AK7: variants seen among roughly 807,000 people sequenced by gnomAD.
The protein encoded by AK7 is adenylate kinase 7, also known as ATP-AMP transphosphorylase 7.
Under a neutral mutation model 96.6 loss-of-function variants are expected in AK7, and 78 were observed. The ratio of observed to expected loss-of-function variants is 0.81; its 90% CI spans 0.67 to 0.97. AK7 has a LOEUF of 0.97. AK7 is among the 50% of genes least tolerant of loss of function. The pLI is 0.00. For missense variants in AK7, 855 were observed against 887.9 expected (o/e 0.96, Z 0.47); for synonymous variants, 302 against 317.2 (o/e 0.95, Z 0.51).
intron 5 of AK7, among the ~76,000 whole-genome samples, chr14:96,426,967 C>T (rs1354100718): frequency 1.3e-5 from 2 of 152,054 alleles, no homozygotes; most frequent in Non-Finnish European, 2.9e-5. Flanking sequence ...AGGTTTAGGC[C>T]GGGTGTGGTG....
At chr14:96,446,405 T>C (rs1400845684) in intron 7 of AK7, 112 bp from the exon 8 acceptor site, 1 of 821,286 alleles carries the variant, frequency 1.2e-6, no homozygotes, top group Non-Finnish European at 2.1e-6. Flanking sequence ...AGATAACTTA[T>C]CAAAGCACCA....
At chr14:96,446,478 T>G in intron 7 of AK7, 39 bp from the exon 8 acceptor site, 1 of 1,578,960 alleles carries the variant, frequency 6.3e-7, no homozygotes. Context: ...TCTCTTTCGC[T>G]TTTTCCCTTT....
At chr14:96,470,283 G>T (rs1056221352) in intron 12 of AK7, among the ~76,000 whole-genome samples, 2 of 151,808 alleles carry the variant, frequency 1.3e-5, no homozygotes, top group African/African-American at 2.4e-5. Flanking sequence ...GGAGGAGGGG[G>T]AGTCACTGAT....
chr14:96,412,052 A>G (rs1566765879), intron 4 of AK7, among the ~76,000 whole-genome samples: 1 of 152,138 alleles, frequency 6.6e-6, no homozygotes, highest in Non-Finnish European at 1.5e-5. Context: ...GACGAAGTCT[A>G]TAAAACAGAG....
At position 96,446,530 on chromosome 14, in the gene AK7, G is replaced by A. The variant is rs114724524; in HGVS notation, c.793G>A (p.Val265Ile). The stretch of plus-strand genomic sequence containing the variant: ...GTGGGTCTGCAGAGTGATACAAAAC[G>A]TCATAGATCACGTGCCAAAGCCTCA... ...VLDLAGVIQN[V>I]IDHVPKPHYL... The change falls in exon 8 of 18, where the codon GTC becomes ATC. Residue 265 changes from valine (V) to isoleucine (I), a missense_variant. Physicochemically the swap from Val to Ile is conservative, Grantham distance 29. Transcript: ENST00000267584. 58 of 1,614,044 alleles carry A rather than the reference G, an allele frequency of 3.6e-5. No individual in the cohort carries two copies. Among genetic ancestry groups the A allele is most frequent in the South Asian group, 3.0e-4 (27 of 91,080 alleles).
chr14:96,468,444 T>G (rs1444048228), intron 12 of AK7, among the ~76,000 whole-genome samples: 5 of 151,876 alleles, frequency 3.3e-5, no homozygotes, highest in African/African-American at 1.2e-4. Context: ...TACAGGCACA[T>G]GCCACCACGC....
At chr14:96,463,409 TA>T (rs148256481) in intron 12 of AK7, among the ~76,000 whole-genome samples, 5 of 151,106 alleles carry the variant, frequency 3.3e-5, no homozygotes, top group Non-Finnish European at 4.4e-5. Flanking sequence ...CATCCTGTGT[TA>T]AAAAAAATAA....
chr14:96,398,189 G>A lies in AK7; in HGVS notation c.220G>A (p.Gly74Ser), dbSNP rs1183242055. 2 of 1,614,152 alleles carry A rather than the reference G, an allele frequency of 1.2e-6. No individual in the cohort carries two copies. The highest frequency in any genetic ancestry group is 1.3e-5 in the African/African-American group (1 of 75,060). ...AGCTTCCTCAACCAAAGTGAAGGAA[G>A]GCACATTCCAGATTGTGGGCACGCT... ...LEASSTKVKE[G>S]TFQIVGTLSK... Residue 74 changes from glycine to serine, a missense_variant, in exon 2 of 18, where the codon GGC becomes AGC. Transcript: ENST00000267584.
chr14:96,454,919 CT>C (rs1329595057), intron 10 of AK7, among the ~76,000 whole-genome samples: 3 of 152,140 alleles, frequency 2.0e-5, no homozygotes, highest in Admixed American at 6.6e-5. Flanking sequence ...AATCCTACCA[CT>C]TTGGGAGGTC....
chr14:96,437,931 A>T lies in AK7; in HGVS notation c.690+16A>T, dbSNP rs753702630. 8.5e-5 allele frequency: 136 copies of T among 1,603,890 alleles called. 1 individual carries two copies. In the South Asian group the frequency reaches 1.4e-3, roughly 16 times the overall value. ...ATTTTTTAAGGTATGGCTTTCAATGATGACGTGGAATGTTTAAAAGTGTCT... is the reference window on the plus strand; with the variant it reads ...ATTTTTTAAGGTATGGCTTTCAATGTTGACGTGGAATGTTTAAAAGTGTCT... On this transcript the variant is annotated intron_variant, in intron 6 of 17. Transcript: ENST00000267584.
intron 4 of AK7, among the ~76,000 whole-genome samples, chr14:96,413,343 A>C (rs1228112239): frequency 1.3e-5 from 2 of 152,210 alleles, no homozygotes; most frequent in Non-Finnish European, 2.9e-5. Context: ...AGTCTAGATC[A>C]GTAAGCAACC....
At chr14:96,484,682 C>T (rs929651200) in intron 16 of AK7, among the ~76,000 whole-genome samples, 1 of 152,158 alleles carries the variant, frequency 6.6e-6, no homozygotes, top group African/African-American at 2.4e-5. Flanking sequence ...CAATGTCTAC[C>T]CCTCCCCACA....
chr14:96,436,295 T>C (rs1892630834), intron 5 of AK7, among the ~76,000 whole-genome samples: 1 of 152,160 alleles, frequency 6.6e-6, no homozygotes, highest in Non-Finnish European at 1.5e-5. Flanking sequence ...TCAGGCCTAA[T>C]ATTTGTGAGG....
In AK7 at chr14:96,428,412, C is replaced by T. The variant is rs376809533; in HGVS notation, c.609+7480C>T. Among the ~76,000 whole-genome samples, 11 of 152,178 alleles carry T rather than the reference C, an allele frequency of 7.2e-5. No homozygotes were observed. In the East Asian group the frequency reaches 1.2e-3, roughly 16 times the overall value. On this transcript the variant is annotated intron_variant, in intron 5 of 17. Coordinates refer to ENST00000267584, the MANE Select transcript of AK7 (RefSeq NM_152327.5). ...GAGTCTTTGCTATTGTAGATAGTGC[C>T]GCAGTAAACATATGTGTGCATGTGT...
intron 12 of AK7, among the ~76,000 whole-genome samples, chr14:96,466,758 G>C (rs979144724): frequency 6.6e-6 from 1 of 152,096 alleles, no homozygotes; most frequent in African/African-American, 2.4e-5. Flanking sequence ...CGGCCGGAGA[G>C]AGTTGCCCAT....
chr14:96,431,659 G>A (rs948520885), intron 5 of AK7, among the ~76,000 whole-genome samples: 2 of 152,176 alleles, frequency 1.3e-5, no homozygotes, highest in Non-Finnish European at 2.9e-5. Flanking sequence ...TATTTGCTGA[G>A]GAGTGCTTTA....
chr14:96,482,826 G>C (rs934372309), intron 15 of AK7, among the ~76,000 whole-genome samples, 173 bp from the exon 16 acceptor site: 1 of 152,200 alleles, frequency 6.6e-6, no homozygotes, highest in East Asian at 1.9e-4. Context: ...ACTCTGGTCT[G>C]ATATTTGCCC....
At chr14:96,469,102 G>A (rs990664563) in intron 12 of AK7, among the ~76,000 whole-genome samples, 2 of 152,120 alleles carry the variant, frequency 1.3e-5, no homozygotes, top group African/African-American at 2.4e-5. Flanking sequence ...CTTTCGTTCC[G>A]AATCAAGCAG....
chr14:96,452,067 G>A (rs1004865772), intron 10 of AK7, among the ~76,000 whole-genome samples: 3 of 151,996 alleles, frequency 2.0e-5, no homozygotes. Flanking sequence ...AGGACTCACT[G>A]GTCATTTTAA....
Sources: gnomAD v4.1 joint callset for allele counts (sites outside exome capture counted in the v4.1 genomes callset) on GRCh38, gnomAD v4.1.1 for gene constraint, MANE v1.5 for transcripts, NCBI Gene and HGNC (gene_info 2026-07-23, HGNC 2026-07-21) for gene names.